The following EBF1 variants were observed in gnomAD, a reference collection of about 807,000 sequenced individuals.
EBF1 encodes the protein transcription factor COE1.
EBF1 carries 10 observed loss-of-function variants against 68.4 expected under a neutral mutation model. That is an observed-to-expected ratio of 0.15 (90% confidence interval 0.09 to 0.25). The LOEUF is 0.25. EBF1 is among the 10% of genes least tolerant of loss of function. The pLI is 1.00. For synonymous variants in EBF1, 298 were observed against 299.8 expected, an observed-to-expected ratio of 0.99 and a Z score of 0.06; for missense variants, 509 against 794.4, an observed-to-expected ratio of 0.64 and a Z score of 4.32.
chr5:159,054,468 C>T (rs778506026), intron 6 of EBF1, among the ~76,000 whole-genome samples: 1 of 152,158 alleles, frequency 6.6e-6, no homozygotes, highest in Non-Finnish European at 1.5e-5. Context: ...TTCTCAGTCT[C>T]TCTCTCGTCT....
intron 4 of EBF1, 86 bp from the exon 5 acceptor site, chr5:159,084,825 C>T (rs2127982771): frequency 8.0e-7 from 1 of 1,243,296 alleles, no homozygotes; most frequent in East Asian, 2.7e-5. Flanking sequence ...TTAACCACTT[C>T]ACCACTACTG....
At chr5:158,882,566 G>A (rs534239594) in intron 6 of EBF1, among the ~76,000 whole-genome samples, 1 of 152,268 alleles carries the variant, frequency 6.6e-6, no homozygotes, top group South Asian at 2.1e-4. Context: ...TAATTATTTT[G>A]TGACAATACA....
intron 6 of EBF1, among the ~76,000 whole-genome samples, chr5:158,926,913 C>T (rs1809828852): frequency 2.6e-5 from 4 of 151,926 alleles, no homozygotes; most frequent in South Asian, 4.2e-4. Context: ...AAATAAAGGA[C>T]GTTATTATTT....
intron 6 of EBF1, among the ~76,000 whole-genome samples, chr5:158,906,154 T>A (rs1419340299): frequency 6.6e-6 from 1 of 151,774 alleles, no homozygotes; most frequent in African/African-American, 2.4e-5. Context: ...ATCACACACC[T>A]CCCCTCAAAG....
chr5:158,939,597 G>A (rs1812795337), intron 6 of EBF1, among the ~76,000 whole-genome samples: 2 of 152,200 alleles, frequency 1.3e-5, no homozygotes, highest in African/African-American at 4.8e-5. Flanking sequence ...TATGCACACA[G>A]GGGAATGACA....
chr5:159,011,204 G>T (rs1305299514), intron 6 of EBF1, among the ~76,000 whole-genome samples: 1 of 152,236 alleles, frequency 6.6e-6, no homozygotes, highest in Non-Finnish European at 1.5e-5. Context: ...TCTTAAGGAA[G>T]TTGAAGGCAA....
intron 6 of EBF1, among the ~76,000 whole-genome samples, chr5:158,896,595 G>T (rs894556094): frequency 6.6e-6 from 1 of 152,106 alleles, no homozygotes; most frequent in Admixed American, 6.6e-5. Flanking sequence ...GCAAAGGCTG[G>T]GACTCAAATT....
chr5:158,787,239 G>A (rs894131933), intron 9 of EBF1, among the ~76,000 whole-genome samples: 7 of 151,998 alleles, frequency 4.6e-5, no homozygotes, highest in Non-Finnish European at 8.8e-5. Context: ...GATTACTCAG[G>A]GCCACTGTCA....
At chr5:158,807,077 T>A (rs1295639438) in intron 8 of EBF1, among the ~76,000 whole-genome samples, 2 of 152,178 alleles carry the variant, frequency 1.3e-5, no homozygotes, top group Non-Finnish European at 2.9e-5. Flanking sequence ...GATAGGACAC[T>A]TCCATCATCA....
At chr5:159,032,035 G>T (rs1769011895) in intron 6 of EBF1, among the ~76,000 whole-genome samples, 1 of 151,998 alleles carries the variant, frequency 6.6e-6, no homozygotes, top group African/African-American at 2.4e-5. Flanking sequence ...TACATTCTTG[G>T]ATGCTCTGGT....
rs1755746021 is a variant in EBF1, at chr5:158,696,298, G to C, written c.*2813C>G. 4.5e-6 allele frequency: 1 copy of C among 220,326 alleles called. No homozygotes were observed. Among genetic ancestry groups the C allele is most frequent in the South Asian group, 1.8e-4 (1 of 5,430 alleles). 13.6% of individuals were successfully genotyped at this position (220,326 alleles called of 1,614,324 possible). On this transcript the variant is annotated 3_prime_UTR_variant, in exon 16 of 16. Transcript: ENST00000313708. ...TTATTTGTAAAACTTTTGTGGAGAA[G>C]AAAGAGGATCAGAGGGCCAGAATGT... is the stretch of plus-strand genomic sequence containing the variant.
chr5:159,066,549 C>T (rs534982400), intron 6 of EBF1, among the ~76,000 whole-genome samples: 3 of 151,968 alleles, frequency 2.0e-5, no homozygotes, highest in African/African-American at 7.3e-5. Context: ...ATATGTGACA[C>T]CCCCTGCCCC....
At chr5:158,986,817 A>G (rs1315519330) in intron 6 of EBF1, 1 of 152,196 alleles carries the variant, frequency 6.6e-6, no homozygotes, top group Non-Finnish European at 1.5e-5. Flanking sequence ...CACTCATTCA[A>G]CCAAATATTA....
chr5:159,081,560 C>T (rs1452676186), intron 5 of EBF1, among the ~76,000 whole-genome samples: 2 of 152,146 alleles, frequency 1.3e-5, no homozygotes, highest in Non-Finnish European at 2.9e-5. Flanking sequence ...GGATGCTTCC[C>T]TGAAGAAGCC....
chr5:158,737,719 G>T (rs1324203468), intron 10 of EBF1, among the ~76,000 whole-genome samples: 1 of 152,220 alleles, frequency 6.6e-6, no homozygotes, highest in East Asian at 1.9e-4. Flanking sequence ...GAGTGGTTAC[G>T]TCCTTTTTAC....
intron 6 of EBF1, among the ~76,000 whole-genome samples, chr5:158,931,248 G>C (rs1307754441): frequency 6.6e-6 from 1 of 152,102 alleles, no homozygotes; most frequent in Non-Finnish European, 1.5e-5. Context: ...TTTTCCTATA[G>C]CGGTGTTGCT....
chr5:158,927,185 T>C (rs1809878666), intron 6 of EBF1, among the ~76,000 whole-genome samples: 1 of 152,240 alleles, frequency 6.6e-6, no homozygotes, highest in Non-Finnish European at 1.5e-5. Context: ...CTAGTTCTTA[T>C]CTGTAGAAAT....
At chr5:158,846,188 T>C (rs1226516614) in intron 6 of EBF1, among the ~76,000 whole-genome samples, 1 of 152,198 alleles carries the variant, frequency 6.6e-6, no homozygotes, top group African/African-American at 2.4e-5. Context: ...AGGAAACAGC[T>C]GTGTGGAAAC....
intron 6 of EBF1, among the ~76,000 whole-genome samples, chr5:158,910,561 T>C (rs1416760932): frequency 6.6e-6 from 1 of 152,242 alleles, no homozygotes; most frequent in Non-Finnish European, 1.5e-5. Flanking sequence ...GTAGCAAAGA[T>C]GATTTTTTTA....
Sources: allele counts gnomAD v4.1 joint callset (sites outside exome capture counted in the v4.1 genomes callset), GRCh38; gene constraint gnomAD v4.1.1; transcripts MANE v1.5; gene names NCBI Gene and HGNC (gene_info 2026-07-23, HGNC 2026-07-21).